The following NOS1AP variants were observed in gnomAD, a reference collection of about 807,000 sequenced individuals.
The protein encoded by NOS1AP is nitric oxide synthase 1 adaptor protein.
Under a neutral mutation model 56.2 loss-of-function variants are expected in NOS1AP, and 21 were observed. The observed-to-expected ratio is 0.37, with a 90% CI of 0.26 to 0.54. The LOEUF (loss-of-function observed/expected upper bound fraction) is 0.54, where lower values mean the gene tolerates loss of function less well. Ranked by LOEUF, NOS1AP falls within the 20% of genes least tolerant of loss-of-function variation. NOS1AP has a pLI of 0.84. For synonymous variants in NOS1AP, 270 were observed against 274.6 expected (o/e 0.98, Z 0.17); for missense variants, 522 against 657.8 (o/e 0.79, Z 2.26).
Position 162,251,857 on chromosome 1 carries a change from G to GTTTT in NOS1AP, c.178-35479_178-35476dup, listed in dbSNP as rs771192069. 4.8e-4 allele frequency among the ~76,000 whole-genome samples: 48 copies of GTTTT among 100,442 alleles called. 1 individual carries two copies. Among genetic ancestry groups the GTTTT allele is most frequent in the African/African-American group, 1.1e-3 (29 of 25,858 alleles). 65.9% of individuals were successfully genotyped at this position (100,442 alleles called of 152,430 possible). A position where few individuals can be genotyped will look rare whatever the true frequency, so the allele number is the denominator to read the frequency against. On this transcript the variant is annotated intron_variant, in intron 2 of 9. Transcript: ENST00000361897. ...CATGCACCACAACACCTAGCTAGTT[G>GTTTT]TTTTTTTTTTTGTTTTTTTTTTTTT...
At chr1:162,098,569 G>A (rs1321269487) in intron 1 of NOS1AP, among the ~76,000 whole-genome samples, 2 of 150,164 alleles carry the variant, frequency 1.3e-5, no homozygotes, top group Non-Finnish European at 3.0e-5. Context: ...TGTTACATAG[G>A]TAAATGTGTA....
chr1:162,260,118 G>A (rs890321255), intron 2 of NOS1AP, among the ~76,000 whole-genome samples: 1 of 152,058 alleles, frequency 6.6e-6, no homozygotes, highest in Non-Finnish European at 1.5e-5. Flanking sequence ...GGCAGTGATA[G>A]AGCCCAGCTT....
chr1:162,355,450 C>A, intron 7 of NOS1AP, 97 bp downstream of exon 7: 1 of 1,445,662 alleles, frequency 6.9e-7, no homozygotes, highest in Non-Finnish European at 9.7e-7. Context: ...CCGAGTGAGG[C>A]ACTCCATGGC....
intron 2 of NOS1AP, among the ~76,000 whole-genome samples, chr1:162,196,483 A>T (rs899958619): frequency 1.3e-5 from 2 of 152,224 alleles, no homozygotes; most frequent in South Asian, 4.1e-4. Context: ...CACATAGTAG[A>T]TGCTTTGTTA....
At chr1:162,128,902 T>G (rs1648616001) in intron 1 of NOS1AP, among the ~76,000 whole-genome samples, 1 of 152,228 alleles carries the variant, frequency 6.6e-6, no homozygotes, top group South Asian at 2.1e-4. Flanking sequence ...GCCGTTTAGC[T>G]TAGTGGCTGT....
chr1:162,317,327 A>C (rs970143133), intron 4 of NOS1AP: 3 of 152,246 alleles, frequency 2.0e-5, no homozygotes, highest in Non-Finnish European at 4.4e-5. Flanking sequence ...AACACTGTTA[A>C]AAATATATAG....
intron 2 of NOS1AP, among the ~76,000 whole-genome samples, chr1:162,268,232 T>C (rs1654484520): frequency 6.7e-6 from 1 of 148,576 alleles, no homozygotes; most frequent in Non-Finnish European, 1.5e-5. Context: ...CTAGCCTGAG[T>C]GACACAGCAA....
chr1:162,271,956 T>C (rs1654593604), intron 2 of NOS1AP, among the ~76,000 whole-genome samples: 1 of 152,106 alleles, frequency 6.6e-6, no homozygotes, highest in African/African-American at 2.4e-5. Flanking sequence ...CATGGCTCTA[T>C]CTAGACTTGA....
At position 162,355,252 on chromosome 1, in the gene NOS1AP, G is replaced by A. The variant is rs938183913; in HGVS notation, c.661G>A (p.Val221Met). The A allele has an allele frequency of 6.2e-7, 1 of 1,614,216 alleles. No homozygotes were observed. Among genetic ancestry groups the A allele is most frequent in the Non-Finnish European group, 8.5e-7 (1 of 1,180,044 alleles). ...ATAEETDIDA[V>M]EVPLPGNDVL... ...TGCAGAGGAGACTGACATCGATGCG[G>A]TGGAGGTCCCACTTCCAGGGAATGA... Residue 221 changes from valine to methionine, a missense_variant, in exon 7 of 10, where the codon GTG becomes ATG. Physicochemically the swap from Val to Met is conservative, Grantham distance 21. Coordinates refer to ENST00000361897, the MANE Select transcript of NOS1AP (RefSeq NM_014697.3).
intron 2 of NOS1AP, among the ~76,000 whole-genome samples, chr1:162,282,009 A>G (rs1316990818): frequency 6.6e-6 from 1 of 152,164 alleles, no homozygotes; most frequent in Non-Finnish European, 1.5e-5. Flanking sequence ...CTGAGGCAGG[A>G]GAATTGCTTG....
At chr1:162,226,250 A>G (rs7550517) in intron 2 of NOS1AP, among the ~76,000 whole-genome samples, 81,385 of 151,862 alleles carry the variant, frequency 0.54, 22,898 homozygotes, top group Non-Finnish European at 0.64. Flanking sequence ...CTGAGATCCC[A>G]CCATTAGACT....
intron 4 of NOS1AP, among the ~76,000 whole-genome samples, chr1:162,314,322 A>T (rs552699813): frequency 9.8e-5 from 15 of 152,348 alleles, no homozygotes; most frequent in African/African-American, 3.4e-4. Context: ...CATCTTTTAC[A>T]CTAATGATGG....
At chr1:162,294,667 T>C (rs1392678150) in intron 3 of NOS1AP, among the ~76,000 whole-genome samples, 1 of 152,100 alleles carries the variant, frequency 6.6e-6, no homozygotes, top group Non-Finnish European at 1.5e-5. Flanking sequence ...AGGGAGGAGA[T>C]GGCACAGAGA....
intron 2 of NOS1AP, among the ~76,000 whole-genome samples, chr1:162,182,443 T>A (rs1651294031): frequency 6.6e-6 from 1 of 152,198 alleles, no homozygotes. Context: ...ACCAGGGTGC[T>A]GGATGCTGAA....
chr1:162,161,786 C>T (rs919819009), intron 2 of NOS1AP, among the ~76,000 whole-genome samples: 2 of 152,134 alleles, frequency 1.3e-5, no homozygotes, highest in African/African-American at 4.8e-5. Flanking sequence ...CCCTATGTTG[C>T]CCAGGCTAGT....
intron 4 of NOS1AP, among the ~76,000 whole-genome samples, chr1:162,332,280 A>G (rs1656793900): frequency 6.6e-6 from 1 of 152,080 alleles, no homozygotes; most frequent in Non-Finnish European, 1.5e-5. Flanking sequence ...CTCCCTGGCT[A>G]CCCTGTCTAA....
At chr1:162,265,545 A>G (rs1386817966) in intron 2 of NOS1AP, among the ~76,000 whole-genome samples, 2 of 81,414 alleles carry the variant, frequency 2.5e-5, no homozygotes, top group African/African-American at 9.0e-5. Flanking sequence ...ATGTCCCTAC[A>G]AAGGACATGA....
At chr1:162,351,819 A>T (rs1213562364) in intron 6 of NOS1AP, among the ~76,000 whole-genome samples, 1 of 151,204 alleles carries the variant, frequency 6.6e-6, no homozygotes, top group East Asian at 1.9e-4. Flanking sequence ...CTATTTTCTT[A>T]TTTTCTCCCA....
At chr1:162,135,904 TAAA>T (rs1008830856) in intron 1 of NOS1AP, among the ~76,000 whole-genome samples, 2 of 152,226 alleles carry the variant, frequency 1.3e-5, no homozygotes, top group African/African-American at 4.8e-5. Flanking sequence ...AAAAATTTGT[TAAA>T]AATTTATTTT....
Sources: allele counts gnomAD v4.1 joint callset (sites outside exome capture counted in the v4.1 genomes callset), GRCh38; gene constraint gnomAD v4.1.1; transcripts MANE v1.5; gene names NCBI Gene and HGNC (gene_info 2026-07-23, HGNC 2026-07-21).